PDHX: variants seen among roughly 807,000 people sequenced by gnomAD.
PDHX encodes pyruvate dehydrogenase protein X component, mitochondrial.
A neutral mutation model predicts 55.3 loss-of-function variants in PDHX; 33 were observed. The ratio of observed to expected loss-of-function variants is 0.60; its 90% CI spans 0.45 to 0.80. The LOEUF (loss-of-function observed/expected upper bound fraction) is 0.80, where lower values mean the gene tolerates loss of function less well. Ranked by LOEUF, PDHX falls within the 30% of genes least tolerant of loss-of-function variation. The probability of loss-of-function intolerance (pLI) is 0.00; values close to 1 mark genes in which losing one functional copy is unlikely to be tolerated. For missense variants in PDHX, 622 were observed against 619.9 expected, an observed-to-expected ratio of 1.00 and a Z score of -0.04; for synonymous variants, 226 against 219.4, an observed-to-expected ratio of 1.03 and a Z score of -0.27.
chr11:34,953,034 T>G (rs1362054849), intron 3 of PDHX, among the ~76,000 whole-genome samples: 1 of 152,006 alleles, frequency 6.6e-6, no homozygotes, highest in Non-Finnish European at 1.5e-5. Context: ...ACAGGCATTC[T>G]TATACACCAA....
intron 5 of PDHX, among the ~76,000 whole-genome samples, chr11:34,966,282 T>C (rs953337416): frequency 3.3e-5 from 5 of 152,186 alleles, no homozygotes; most frequent in Non-Finnish European, 5.9e-5. Context: ...GTGAATATTA[T>C]TTCATGAGTA....
At chr11:34,968,564 A>G (rs1307587484) in intron 6 of PDHX, among the ~76,000 whole-genome samples, 1 of 152,232 alleles carries the variant, frequency 6.6e-6, no homozygotes, top group Non-Finnish European at 1.5e-5. Context: ...CAGTGAAGTT[A>G]TAGGAATATT....
In PDHX at chr11:34,916,784, G is replaced by T. The variant is rs759679470; in HGVS notation, c.129G>T (p.Trp43Cys). 16 of 1,598,854 alleles carry T rather than the reference G, an allele frequency of 1.0e-5. No homozygotes were observed. In the South Asian group the frequency reaches 1.7e-4, roughly 17 times the overall value. ...LGWSVSRGAN[W>C]RWFHSTQWLR... ...GGTCTGTAAGCCGCGGAGCTAATTG[G>T]AGATGGTTTCACAGCACGCAGTGGC... Residue 43 changes from tryptophan (W) to cysteine (C), a missense_variant, in exon 1 of 11, where the codon TGG becomes TGT. Physicochemically the swap from Trp to Cys is radical, Grantham distance 215. Coordinates refer to ENST00000227868, the MANE Select transcript of PDHX (RefSeq NM_003477.3).
At position 34,983,897 on chromosome 11, in the gene PDHX, G is replaced by A. The variant is rs982232611; in HGVS notation, c.1024-673G>A. On this transcript the variant is annotated intron_variant, in intron 8 of 10. Coordinates refer to ENST00000227868, the MANE Select transcript of PDHX (RefSeq NM_003477.3). ...GCCATCCCCATCAAGCTACCAATGA[G>A]TTTCTTCAAAGAATTGGAAAAAACT... Among the ~76,000 whole-genome samples the A allele has an allele frequency of 8.5e-5, 13 of 152,260 alleles. 1 individual carries two copies. Among genetic ancestry groups the A allele is most frequent in the Middle Eastern group, 3.4e-3 (1 of 294 alleles).
At chr11:34,982,622 C>T (rs1486991131) in intron 8 of PDHX, among the ~76,000 whole-genome samples, 1 of 151,726 alleles carries the variant, frequency 6.6e-6, no homozygotes, top group Non-Finnish European at 1.5e-5. Flanking sequence ...ATGCAAACTA[C>T]CGTCAGAGAA....
Position 34,995,181 on chromosome 11 carries a change from G to C in PDHX, c.*9G>C, listed in dbSNP as rs1855835639. Reference sequence around the variant, plus strand: ...CTATCCGACTTGCCTAGTCCTCAAAGATAAGAAGTTGGTGTTCAGCTTAGT... The same window carrying C: ...CTATCCGACTTGCCTAGTCCTCAAACATAAGAAGTTGGTGTTCAGCTTAGT... On this transcript the variant is annotated 3_prime_UTR_variant, in exon 11 of 11. Transcript: ENST00000227868. 6.2e-7 allele frequency: 1 copy of C among 1,613,424 alleles called. No homozygotes were observed. Among genetic ancestry groups the C allele is most frequent in the African/African-American group, 1.3e-5 (1 of 74,910 alleles).
chr11:34,931,431 C>CCT lies in PDHX; in HGVS notation c.188_189insCT (p.Leu64TyrfsTer12). ...GATCCCATTAAGATACTAATGCCAT[C>CCT]ACTGTCTCCTACAATGGAAGAAGGA... On this transcript the variant is annotated frameshift_variant, in exon 2 of 11. Coordinates refer to ENST00000227868, the MANE Select transcript of PDHX (RefSeq NM_003477.3). LOFTEE classifies it high-confidence loss of function. The CCT allele has an allele frequency of 6.2e-7, 1 of 1,606,434 alleles. No homozygotes were observed.
intron 4 of PDHX, among the ~76,000 whole-genome samples, chr11:34,958,037 G>A (rs571676371): frequency 5.2e-4 from 79 of 152,016 alleles, no homozygotes; most frequent in Non-Finnish European, 4.3e-4. Context: ...ATGACTTTCC[G>A]GCACAGACTA....
At chr11:34,934,979 C>T (rs924493972) in intron 2 of PDHX, among the ~76,000 whole-genome samples, 3 of 151,382 alleles carry the variant, frequency 2.0e-5, no homozygotes, top group African/African-American at 7.3e-5. Context: ...GAAATACTTA[C>T]GAATAAAATG....
chr11:34,961,763 C>A (rs1485349811), intron 5 of PDHX, among the ~76,000 whole-genome samples: 1 of 152,168 alleles, frequency 6.6e-6, no homozygotes, highest in Non-Finnish European at 1.5e-5. Context: ...CTATCACACA[C>A]ATACTGTGAA....
intron 2 of PDHX, among the ~76,000 whole-genome samples, chr11:34,937,612 C>T (rs1854365462): frequency 6.6e-6 from 1 of 152,040 alleles, no homozygotes; most frequent in Non-Finnish European, 1.5e-5. Context: ...TGAAGTCTGA[C>T]TTGGAGACAG....
chr11:34,922,756 T>C (rs1199687200), intron 1 of PDHX, among the ~76,000 whole-genome samples: 1 of 151,964 alleles, frequency 6.6e-6, no homozygotes, highest in African/African-American at 2.4e-5. Context: ...TATTGACTTC[T>C]CCTATCTGTA....
intron 9 of PDHX, among the ~76,000 whole-genome samples, chr11:34,991,923 A>C (rs867944326): frequency 6.6e-6 from 1 of 151,278 alleles, no homozygotes; most frequent in South Asian, 2.1e-4. Context: ...AAAAAAAAAA[A>C]AAAAACTAAA....
intron 3 of PDHX, among the ~76,000 whole-genome samples, chr11:34,947,833 A>G (rs1477818764): frequency 6.6e-6 from 1 of 152,214 alleles, no homozygotes; most frequent in African/African-American, 2.4e-5. Context: ...TTATAATGGA[A>G]TATTAGAGCT....
intron 8 of PDHX, among the ~76,000 whole-genome samples, chr11:34,978,435 C>G (rs1011751354): frequency 1.4e-4 from 22 of 152,078 alleles, no homozygotes; most frequent in Admixed American, 5.2e-4. Context: ...CAAAAGCTTA[C>G]TTGATTTCTG....
At chr11:34,985,908 T>C (rs1400709252) in intron 9 of PDHX, among the ~76,000 whole-genome samples, 1 of 152,224 alleles carries the variant, frequency 6.6e-6, no homozygotes, top group East Asian at 1.9e-4. Context: ...GAGGTAGATA[T>C]AATTAAAGGT....
Position 34,994,895 on chromosome 11 carries a change from C to A in PDHX, c.1248-19C>A. On this transcript the variant is annotated intron_variant, in intron 10 of 10. Coordinates refer to ENST00000227868, the MANE Select transcript of PDHX (RefSeq NM_003477.3). Reference sequence around the variant, plus strand: ...GATTAAGGACATGCCTCCTTCAGAGCTTTTTCTTTTCCCCCTAGTATTTCC... The same window carrying A: ...GATTAAGGACATGCCTCCTTCAGAGATTTTTCTTTTCCCCCTAGTATTTCC... The A allele has an allele frequency of 6.2e-7, 1 of 1,613,580 alleles. No individual in the cohort carries two copies. The highest frequency in any genetic ancestry group is 8.5e-7 in the Non-Finnish European group (1 of 1,179,732).
At chr11:34,936,421 T>C (rs1172080924) in intron 2 of PDHX, among the ~76,000 whole-genome samples, 1 of 152,128 alleles carries the variant, frequency 6.6e-6, no homozygotes, top group Non-Finnish European at 1.5e-5. Flanking sequence ...GTAAAGGTAA[T>C]GGCAGAGGGG....
intron 5 of PDHX, among the ~76,000 whole-genome samples, chr11:34,963,278 T>A (rs1369587946): frequency 6.6e-6 from 1 of 151,744 alleles, no homozygotes; most frequent in African/African-American, 2.4e-5. Flanking sequence ...ACGTTTTGAA[T>A]TTTTTTTTCT....
Sources: gnomAD v4.1 joint callset for allele counts (sites outside exome capture counted in the v4.1 genomes callset) on GRCh38, gnomAD v4.1.1 for gene constraint, MANE v1.5 for transcripts, NCBI Gene and HGNC (gene_info 2026-07-23, HGNC 2026-07-21) for gene names.